Variants in ACOXL observed in about 807,000 individuals in gnomAD.
ACOXL encodes acyl-coenzyme A oxidase-like protein.
Under a neutral mutation model 71.9 loss-of-function variants are expected in ACOXL, and 70 were observed. The ratio of observed to expected loss-of-function variants is 0.97; its 90% CI spans 0.80 to 1.19. The LOEUF (loss-of-function observed/expected upper bound fraction) is 1.19, where lower values mean the gene tolerates loss of function less well. Ranked by LOEUF, ACOXL falls within the 50% of genes most tolerant of loss-of-function variation. The probability of loss-of-function intolerance (pLI) is 0.00; values close to 1 mark genes in which losing one functional copy is unlikely to be tolerated. For missense variants in ACOXL, 703 were observed against 736.3 expected (o/e 0.95, Z 0.52); for synonymous variants, 253 against 281.6 (o/e 0.90, Z 1.02).
rs548586242 is a variant in ACOXL at position 110,916,756 on chromosome 2, A to G, written c.905+7851A>G. 5.1e-4 allele frequency among the ~76,000 whole-genome samples: 78 copies of G among 152,322 alleles called. 1 individual carries two copies. Among genetic ancestry groups the G allele is most frequent in the Admixed American group, 3.1e-3 (48 of 15,306 alleles). On this transcript the variant is annotated intron_variant, in intron 11 of 17. Coordinates refer to ENST00000439055, the MANE Select transcript of ACOXL (RefSeq NM_001142807.4). The stretch of plus-strand genomic sequence containing the variant: ...CACTGATCCCACAGAAATACAAACT[A>G]CCATCTGAGAATACTATAAACACCT...
chr2:111,094,960 T>G (rs2068727097), intron 17 of ACOXL, among the ~76,000 whole-genome samples: 1 of 152,096 alleles, frequency 6.6e-6, no homozygotes, highest in South Asian at 2.1e-4. Flanking sequence ...TTTGATGGCT[T>G]CCAGGAATGA....
chr2:111,019,346 A>G (rs918662973), intron 14 of ACOXL, among the ~76,000 whole-genome samples: 17 of 152,352 alleles, frequency 1.1e-4, no homozygotes, highest in African/African-American at 3.6e-4. Flanking sequence ...AATTACCAAG[A>G]TCAATTTCAG....
rs543891598 is a variant in ACOXL at position 110,979,232 on chromosome 2, C to T, written c.1060-7876C>T. Among the ~76,000 whole-genome samples the T allele has an allele frequency of 5.9e-5, 9 of 152,288 alleles. No individual in the cohort carries two copies. The South Asian group carries it at 1.9e-3, about 32-fold the overall frequency. ...AAATACCCATCTAAAGTGGCTGAAA[C>T]CATAAGAACGCCAACCATGCTCCTT... On this transcript the variant is annotated intron_variant, in intron 12 of 17. Transcript: ENST00000439055.
intron 16 of ACOXL, among the ~76,000 whole-genome samples, chr2:111,055,158 C>T (rs2066473123): frequency 6.6e-6 from 1 of 152,174 alleles, no homozygotes; most frequent in Non-Finnish European, 1.5e-5. Context: ...TCCTGCAGGA[C>T]CAGGCAGGTG....
intron 3 of ACOXL, among the ~76,000 whole-genome samples, chr2:110,790,188 G>A (rs974715493): frequency 1.3e-5 from 2 of 152,230 alleles, no homozygotes; most frequent in African/African-American, 4.8e-5. Flanking sequence ...CTCCTGGGAC[G>A]TGGCTGGGGG....
At chr2:110,958,116 C>T (rs2061568879) in intron 12 of ACOXL, among the ~76,000 whole-genome samples, 1 of 151,776 alleles carries the variant, frequency 6.6e-6, no homozygotes, top group South Asian at 2.1e-4. Context: ...CCTGCATATG[C>T]ACGCGCATGC....
chr2:110,821,795 A>C (rs1024976154), intron 9 of ACOXL, among the ~76,000 whole-genome samples: 5 of 152,128 alleles, frequency 3.3e-5, no homozygotes, highest in Non-Finnish European at 2.9e-5. Flanking sequence ...TCTTTATGTA[A>C]GTATGTACTC....
At chr2:110,910,797 G>A (rs1367716409) in intron 11 of ACOXL, among the ~76,000 whole-genome samples, 4 of 152,050 alleles carry the variant, frequency 2.6e-5, no homozygotes, top group Non-Finnish European at 5.9e-5. Flanking sequence ...AAATTGACTT[G>A]TTTATCTTAT....
intron 9 of ACOXL, among the ~76,000 whole-genome samples, chr2:110,820,076 G>GGTCGT (rs1688419381): frequency 6.6e-6 from 1 of 152,158 alleles, no homozygotes; most frequent in African/African-American, 2.4e-5. Context: ...ACTTCCGTGT[G>GGTCGT]GTCGTGGTTA....
chr2:110,761,685 T>C (rs979820545), intron 1 of ACOXL, among the ~76,000 whole-genome samples: 3 of 152,228 alleles, frequency 2.0e-5, no homozygotes, highest in Admixed American at 2.0e-4. Context: ...CTTCCCCACC[T>C]GCATTTGTAA....
At chr2:110,923,995 T>C (rs2060178120) in intron 11 of ACOXL, among the ~76,000 whole-genome samples, 1 of 152,018 alleles carries the variant, frequency 6.6e-6, no homozygotes, top group South Asian at 2.1e-4. Context: ...TCAGAGACAT[T>C]GCAGATTTGG....
intron 12 of ACOXL, among the ~76,000 whole-genome samples, chr2:110,952,427 A>G (rs1463709329): frequency 1.3e-5 from 2 of 151,914 alleles, no homozygotes; most frequent in African/African-American, 4.8e-5. Flanking sequence ...CCTCTCCACT[A>G]TATCTGATTT....
chr2:110,943,322 AAAG>A (rs2060966494), intron 12 of ACOXL, among the ~76,000 whole-genome samples: 1 of 148,350 alleles, frequency 6.7e-6, no homozygotes, highest in African/African-American at 2.6e-5. Context: ...AGAAAAAGAA[AAAG>A]AAGGAAAGGA....
intron 12 of ACOXL, among the ~76,000 whole-genome samples, chr2:110,938,729 A>ATG (rs1472500657): frequency 9.2e-5 from 14 of 152,312 alleles, no homozygotes; most frequent in African/African-American, 3.4e-4. Flanking sequence ...GAATGAATGA[A>ATG]AGAATGTCCT....
rs147123217 is a variant in ACOXL, at chr2:110,758,274, A to G, written c.-22-10094A>G. Among the ~76,000 whole-genome samples, 9 of 152,194 alleles carry G rather than the reference A, an allele frequency of 5.9e-5. No homozygotes were observed. The East Asian group carries it at 1.7e-3, about 29-fold the overall frequency. On this transcript the variant is annotated intron_variant, in intron 1 of 17. Coordinates refer to ENST00000439055, the MANE Select transcript of ACOXL (RefSeq NM_001142807.4). ...ATGTGTCTGTTCTTGTACCAGTATC[A>G]TGCTGTTTTAGTTACTATAGCCTTG...
chr2:110,982,389 C>A (rs1317803703), intron 12 of ACOXL, among the ~76,000 whole-genome samples: 1 of 152,120 alleles, frequency 6.6e-6, no homozygotes, highest in Non-Finnish European at 1.5e-5. Context: ...TCGTCTCTCC[C>A]CTCTCTTCCT....
At chr2:111,113,852 T>A (rs1019865443) in intron 17 of ACOXL, among the ~76,000 whole-genome samples, 1 of 152,190 alleles carries the variant, frequency 6.6e-6, no homozygotes, top group Non-Finnish European at 1.5e-5. Context: ...CCTGTAAAGT[T>A]TCTAGCTCAA....
At chr2:111,010,982 A>T (rs2064123966) in intron 14 of ACOXL, among the ~76,000 whole-genome samples, 1 of 152,236 alleles carries the variant, frequency 6.6e-6, no homozygotes, top group African/African-American at 2.4e-5. Flanking sequence ...GGAAATGCAG[A>T]TCTAAAGTAA....
chr2:110,771,492 AG>A (rs1443633903), intron 2 of ACOXL, among the ~76,000 whole-genome samples: 1 of 152,208 alleles, frequency 6.6e-6, no homozygotes, highest in African/African-American at 2.4e-5. Context: ...ATGATGTTCT[AG>A]GGGACAAATA....
Sources: gnomAD v4.1 joint callset for allele counts (sites outside exome capture counted in the v4.1 genomes callset) on GRCh38, gnomAD v4.1.1 for gene constraint, MANE v1.5 for transcripts, NCBI Gene and HGNC (gene_info 2026-07-23, HGNC 2026-07-21) for gene names.